SORCS1: variants seen among roughly 807,000 people sequenced by gnomAD.
SORCS1 encodes the protein VPS10 domain-containing receptor SorCS1.
SORCS1 carries 60 observed loss-of-function variants against 146.1 expected under a neutral mutation model. That is an observed-to-expected ratio of 0.41 (90% CI 0.33 to 0.51). The LOEUF (loss-of-function observed/expected upper bound fraction) is 0.51. SORCS1 is among the 20% of genes least tolerant of loss of function. SORCS1 has a pLI of 0.21. For synonymous variants in SORCS1, 637 were observed against 584.0 expected (o/e 1.09, Z -1.31); for missense variants, 1,352 against 1,487.6 (o/e 0.91, Z 1.50).
At chr10:106,630,940 TCA>T (rs1848405845) in intron 18 of SORCS1, among the ~76,000 whole-genome samples, 1 of 152,174 alleles carries the variant, frequency 6.6e-6, no homozygotes, top group Non-Finnish European at 1.5e-5. Context: ...CCAGCTTCCT[TCA>T]CACACAGTCC....
intron 24 of SORCS1, among the ~76,000 whole-genome samples, chr10:106,588,712 T>C (rs924525951): frequency 2.0e-5 from 3 of 151,110 alleles, no homozygotes; most frequent in African/African-American, 7.3e-5. Context: ...ATACAAAAAA[T>C]TAGCCGGGCG....
chr10:107,135,107 T>G lies in SORCS1; in HGVS notation c.558+28862A>C, dbSNP rs1203047028. On this transcript the variant is annotated intron_variant, in intron 1 of 25. Transcript: ENST00000263054. Reference sequence around the variant, plus strand: ...TTAATTCAAATAATCAAAAGGGGACTGTGGGAAAGAACAAATACATGGGTA... The same window carrying G: ...TTAATTCAAATAATCAAAAGGGGACGGTGGGAAAGAACAAATACATGGGTA... Among the ~76,000 whole-genome samples the G allele has an allele frequency of 4.6e-5, 7 of 152,336 alleles. No homozygotes were observed. In the East Asian group the frequency reaches 7.7e-4, roughly 17 times the overall value.
Position 106,818,655 on chromosome 10 carries a change from T to A in SORCS1, c.726+10919A>T, listed in dbSNP as rs530101323. On this transcript the variant is annotated intron_variant, in intron 3 of 25. Coordinates refer to ENST00000263054, the MANE Select transcript of SORCS1 (RefSeq NM_052918.5). ...TGTGAGCCACCACCTCCAGCTGGAA[T>A]TTTTTAGGGTTTAATTAGCATAGTA... Among the ~76,000 whole-genome samples, 162 of 152,298 alleles carry A rather than the reference T, an allele frequency of 1.1e-3. 2 individuals carry two copies. The highest frequency in any genetic ancestry group is 1.7e-3 in the Non-Finnish European group (114 of 68,020).
chr10:106,806,775 G>A (rs1947210181), intron 3 of SORCS1, among the ~76,000 whole-genome samples: 1 of 151,776 alleles, frequency 6.6e-6, no homozygotes, highest in African/African-American at 2.4e-5. Flanking sequence ...CTGGCCTCCT[G>A]GAGTGCTGGG....
intron 10 of SORCS1, among the ~76,000 whole-genome samples, chr10:106,686,581 C>G (rs1377813188): frequency 3.9e-5 from 6 of 152,130 alleles, no homozygotes; most frequent in Non-Finnish European, 8.8e-5. Flanking sequence ...CTGTGCCTTG[C>G]GTAGAGTAGG....
chr10:107,019,856 G>C (rs1478321613), intron 1 of SORCS1, among the ~76,000 whole-genome samples: 2 of 152,242 alleles, frequency 1.3e-5, no homozygotes, highest in African/African-American at 2.4e-5. Context: ...CTACTGCAGA[G>C]AAGTCTGTTG....
chr10:107,128,317 A>T (rs1235058711), intron 1 of SORCS1, among the ~76,000 whole-genome samples: 1 of 152,204 alleles, frequency 6.6e-6, no homozygotes, highest in Non-Finnish European at 1.5e-5. Context: ...TGAACACAAC[A>T]TCGGGTTGCA....
intron 6 of SORCS1, among the ~76,000 whole-genome samples, chr10:106,714,349 T>C (rs1037551072): frequency 2.0e-5 from 3 of 152,000 alleles, no homozygotes; most frequent in Non-Finnish European, 4.4e-5. Context: ...GAGTTTGCTA[T>C]TAAAATCTTG....
chr10:106,772,489 T>C (rs1050910583), intron 4 of SORCS1, among the ~76,000 whole-genome samples: 36 of 151,840 alleles, frequency 2.4e-4, no homozygotes, highest in Non-Finnish European at 4.3e-4. Context: ...TCTCTCTCTC[T>C]CCCCTCCTCT....
chr10:106,610,339 G>A (rs1359662335), intron 22 of SORCS1, among the ~76,000 whole-genome samples: 1 of 152,078 alleles, frequency 6.6e-6, no homozygotes, highest in Non-Finnish European at 1.5e-5. Context: ...CCTTGGATGA[G>A]TAACCTAATA....
intron 2 of SORCS1, among the ~76,000 whole-genome samples, chr10:106,935,478 A>G (rs986165751): frequency 6.6e-6 from 1 of 152,368 alleles, no homozygotes; most frequent in East Asian, 1.9e-4. Context: ...CAGTCAACCA[A>G]TAATGAGTTA....
In SORCS1 at chr10:106,960,711, T is replaced by G. The variant is rs1191222376; in HGVS notation, c.559-4131A>C. Among the ~76,000 whole-genome samples the G allele has an allele frequency of 2.0e-5, 3 of 152,106 alleles. No individual in the cohort carries two copies. The highest frequency in any genetic ancestry group is 7.2e-5 in the African/African-American group (3 of 41,420). On this transcript the variant is annotated intron_variant, in intron 1 of 25. Transcript: ENST00000263054. The surrounding 1 kb of genome is among the most constrained non-coding windows in gnomAD (Gnocchi z 4.4). The stretch of plus-strand genomic sequence containing the variant: ...CCACTGCGCCCAGCCAGTCCATACT[T>G]AGAGAGAGGATGCCAGTGCCCACTC...
At chr10:106,707,155 C>A (rs1249844391) in intron 7 of SORCS1, among the ~76,000 whole-genome samples, 4 of 151,704 alleles carry the variant, frequency 2.6e-5, no homozygotes, top group Middle Eastern at 6.8e-3. Flanking sequence ...GGATTGGTGT[C>A]CAAATTCAAT....
chr10:107,047,076 C>T (rs1351832849), intron 1 of SORCS1, among the ~76,000 whole-genome samples: 2 of 152,164 alleles, frequency 1.3e-5, no homozygotes, highest in Non-Finnish European at 2.9e-5. Flanking sequence ...GCAACCTCTG[C>T]CTCCCGGGTT....
intron 3 of SORCS1, among the ~76,000 whole-genome samples, chr10:106,798,682 T>G (rs1349034005): frequency 1.3e-5 from 2 of 152,236 alleles, no homozygotes; most frequent in African/African-American, 4.8e-5. Flanking sequence ...TAATCCAGTC[T>G]ATCATTGTTG....
intron 5 of SORCS1, among the ~76,000 whole-genome samples, chr10:106,746,061 A>G (rs1038992798): frequency 6.6e-6 from 1 of 152,234 alleles, no homozygotes; most frequent in Admixed American, 6.5e-5. Context: ...AGACAAGGAA[A>G]GACGGAGGAA....
chr10:106,693,723 G>A (rs949042581), intron 9 of SORCS1, among the ~76,000 whole-genome samples: 5 of 152,068 alleles, frequency 3.3e-5, no homozygotes, highest in Non-Finnish European at 5.9e-5. Context: ...CTTTCTGGAT[G>A]GTTCTGTCCT....
At chr10:107,027,482 C>A (rs1020876640) in intron 1 of SORCS1, among the ~76,000 whole-genome samples, 1 of 152,138 alleles carries the variant, frequency 6.6e-6, no homozygotes, top group Non-Finnish European at 1.5e-5. Context: ...AGCGTGGCAG[C>A]GTGACATTAT....
rs564201363 is a variant in SORCS1 at position 107,102,814 on chromosome 10, T to C, written c.558+61155A>G. Among the ~76,000 whole-genome samples the C allele has an allele frequency of 6.6e-5, 10 of 152,328 alleles. No individual in the cohort carries two copies. The South Asian group carries it at 2.1e-3, about 32-fold the overall frequency. On this transcript the variant is annotated intron_variant, in intron 1 of 25. Coordinates refer to ENST00000263054, the MANE Select transcript of SORCS1 (RefSeq NM_052918.5). ...ATATAGTATAACATATTATAAAATA[T>C]AATGTAAAAATCTTTACATTTTGTG...
Sources: gnomAD v4.1 joint callset for allele counts (sites outside exome capture counted in the v4.1 genomes callset) on GRCh38, gnomAD v4.1.1 for gene constraint, Gnocchi (gnomAD v3.1) non-coding constraint, MANE v1.5 for transcripts, NCBI Gene and HGNC (gene_info 2026-07-23, HGNC 2026-07-21) for gene names.